The following GRM3 variants were observed in gnomAD, a reference collection of about 807,000 sequenced individuals.
GRM3 encodes the protein glutamate metabotropic receptor 3, also known as metabotropic glutamate receptor 3.
GRM3 carries 26 observed loss-of-function variants against 70.5 expected under a neutral mutation model. That is an observed-to-expected ratio of 0.37 (90% CI 0.27 to 0.51). GRM3 has a LOEUF of 0.51. GRM3 is among the 20% of genes least tolerant of loss of function. The pLI is 0.93. For synonymous variants in GRM3, 443 were observed against 434.9 expected (o/e 1.02, Z -0.23); for missense variants, 859 against 1,123.8 (o/e 0.76, Z 3.37).
intron 1 of GRM3, among the ~76,000 whole-genome samples, chr7:86,650,601 T>C (rs1793580797): frequency 6.6e-6 from 1 of 152,174 alleles, no homozygotes; most frequent in Non-Finnish European, 1.5e-5. Context: ...TGACTAGGAC[T>C]AAGGATGAAA....
At chr7:86,828,112 A>C (rs13222743) in intron 3 of GRM3, among the ~76,000 whole-genome samples, 1 of 25,000 alleles carries the variant, frequency 4.0e-5, no homozygotes, top group African/African-American at 6.4e-4. Flanking sequence ...ACTCCGTATC[A>C]AAAAAAAAAA....
intron 3 of GRM3, among the ~76,000 whole-genome samples, chr7:86,816,663 A>G (rs1213468955): frequency 6.6e-6 from 1 of 151,924 alleles, no homozygotes. Flanking sequence ...CATTATGTAT[A>G]TGTACCACAT....
At chr7:86,692,473 C>T (rs990655620) in intron 1 of GRM3, among the ~76,000 whole-genome samples, 2 of 152,174 alleles carry the variant, frequency 1.3e-5, no homozygotes, top group African/African-American at 4.8e-5. Flanking sequence ...TGCTATTATA[C>T]CAGATTTAGC....
At chr7:86,822,168 C>T (rs902578032) in intron 3 of GRM3, among the ~76,000 whole-genome samples, 2 of 151,662 alleles carry the variant, frequency 1.3e-5, no homozygotes, top group African/African-American at 2.4e-5. Flanking sequence ...AGCACACTAA[C>T]GCAGATATTT....
chr7:86,836,226 C>A (rs1458621871), intron 3 of GRM3, among the ~76,000 whole-genome samples: 2 of 152,004 alleles, frequency 1.3e-5, no homozygotes, highest in Non-Finnish European at 2.9e-5. Context: ...CCTTGGCAAG[C>A]CAGTAATCTG....
At chr7:86,790,160 T>C (rs1178377527) in intron 3 of GRM3, among the ~76,000 whole-genome samples, 1 of 151,034 alleles carries the variant, frequency 6.6e-6, no homozygotes, top group Non-Finnish European at 1.5e-5. Context: ...TTATCTGGCA[T>C]CTTCAGTGAT....
chr7:86,793,713 A>G (rs947218062), intron 3 of GRM3, among the ~76,000 whole-genome samples: 23 of 152,186 alleles, frequency 1.5e-4, no homozygotes, highest in Non-Finnish European at 5.9e-5. Context: ...TTTTAAGGTC[A>G]TGCTGTGGAG....
At position 86,713,179 on chromosome 7, in the gene GRM3, G is replaced by A. The variant is rs530580999; in HGVS notation, c.-140-51827G>A. Among the ~76,000 whole-genome samples, 7 of 152,064 alleles carry A rather than the reference G, an allele frequency of 4.6e-5. No individual in the cohort carries two copies. In the East Asian group the frequency reaches 5.8e-4, roughly 13 times the overall value. ...CTTTTCGATAAGAGCCGTTTTAACC[G>A]GAGTGAGATGACATCTCATTTTGGT... is the stretch of plus-strand genomic sequence containing the variant. On this transcript the variant is annotated intron_variant, in intron 1 of 5. Transcript: ENST00000361669.
intron 3 of GRM3, among the ~76,000 whole-genome samples, chr7:86,825,983 C>G (rs1193349245): frequency 6.6e-6 from 1 of 152,160 alleles, no homozygotes; most frequent in Non-Finnish European, 1.5e-5. Context: ...GATTTAAGGA[C>G]AGAACAATGG....
At chr7:86,775,126 T>A (rs1226405988) in intron 2 of GRM3, 1 of 152,154 alleles carries the variant, frequency 6.6e-6, no homozygotes, top group Non-Finnish European at 1.5e-5. Context: ...CTCTCAGCTC[T>A]TATTTTTACA....
At chr7:86,688,299 G>A (rs1584166099) in intron 1 of GRM3, among the ~76,000 whole-genome samples, 1 of 151,536 alleles carries the variant, frequency 6.6e-6, no homozygotes, top group Middle Eastern at 3.7e-3. Context: ...AAAGGATAAA[G>A]ACAAAAATAA....
chr7:86,849,341 G>C (rs1230660664), intron 4 of GRM3, among the ~76,000 whole-genome samples: 3 of 152,118 alleles, frequency 2.0e-5, no homozygotes, highest in Non-Finnish European at 4.4e-5. Context: ...AGAGAGACAA[G>C]AACTTTAAAA....
chr7:86,772,043 C>T (rs1291558422), intron 2 of GRM3, among the ~76,000 whole-genome samples: 1 of 152,048 alleles, frequency 6.6e-6, no homozygotes, highest in Non-Finnish European at 1.5e-5. Context: ...GTACATGCCC[C>T]TCCATTACTA....
At chr7:86,681,877 A>C (rs1794449863) in intron 1 of GRM3, among the ~76,000 whole-genome samples, 1 of 152,202 alleles carries the variant, frequency 6.6e-6, no homozygotes, top group Admixed American at 6.5e-5. Context: ...CTGAGAAAAA[A>C]AGTTCTTGTG....
At chr7:86,677,092 CTGTT>C (rs1794324999) in intron 1 of GRM3, among the ~76,000 whole-genome samples, 2 of 151,936 alleles carry the variant, frequency 1.3e-5, no homozygotes, top group Non-Finnish European at 2.9e-5. Context: ...GTTGGTATAA[CTGTT>C]TGGAGCCCTA....
At chr7:86,761,455 A>G (rs1286524775) in intron 1 of GRM3, among the ~76,000 whole-genome samples, 1 of 152,138 alleles carries the variant, frequency 6.6e-6, no homozygotes, top group Non-Finnish European at 1.5e-5. Flanking sequence ...CCCTACCATC[A>G]AAGAGTGCAA....
chr7:86,850,814 G>C (rs1798742260), intron 5 of GRM3, among the ~76,000 whole-genome samples: 1 of 152,138 alleles, frequency 6.6e-6, no homozygotes, highest in Non-Finnish European at 1.5e-5. Context: ...GTTTGACCAT[G>C]TTGTGGGGTT....
chr7:86,748,949 A>G (rs532720209), intron 1 of GRM3, among the ~76,000 whole-genome samples: 1 of 152,214 alleles, frequency 6.6e-6, no homozygotes, highest in South Asian at 2.1e-4. Context: ...CTGAAGAAGA[A>G]TTTGTTTAAA....
At chr7:86,801,848 T>C (rs1797689738) in intron 3 of GRM3, among the ~76,000 whole-genome samples, 1 of 152,174 alleles carries the variant, frequency 6.6e-6, no homozygotes, top group East Asian at 1.9e-4. Context: ...CCTTGGGAAA[T>C]TAAAAATTAA....
Sources: allele counts gnomAD v4.1 joint callset (sites outside exome capture counted in the v4.1 genomes callset), GRCh38; gene constraint gnomAD v4.1.1; transcripts MANE v1.5; gene names NCBI Gene and HGNC (gene_info 2026-07-23, HGNC 2026-07-21).